Variants in SPIRE1 observed in about 807,000 individuals in gnomAD.
SPIRE1 encodes the protein protein spire homolog 1.
In SPIRE1, 40 loss-of-function variants were observed where a neutral mutation model predicts 94.1. The observed-to-expected ratio is 0.43, with a 90% CI of 0.33 to 0.55. The LOEUF (loss-of-function observed/expected upper bound fraction) is 0.55, where lower values mean the gene tolerates loss of function less well. Ranked by LOEUF, SPIRE1 falls within the 20% of genes least tolerant of loss-of-function variation. The pLI is 0.06. For synonymous variants in SPIRE1, 376 were observed against 371.7 expected (o/e 1.01, Z -0.13); for missense variants, 838 against 975.2 (o/e 0.86, Z 1.87).
At chr18:12,500,970 G>A (rs1182754956) in intron 6 of SPIRE1, among the ~76,000 whole-genome samples, 1 of 151,232 alleles carries the variant, frequency 6.6e-6, no homozygotes, top group Non-Finnish European at 1.5e-5. Flanking sequence ...TACTTGGGAG[G>A]TGGAGGCAGG....
intron 8 of SPIRE1, among the ~76,000 whole-genome samples, chr18:12,488,441 C>T (rs928227807): frequency 3.3e-5 from 5 of 152,124 alleles, no homozygotes; most frequent in African/African-American, 4.8e-5. Flanking sequence ...GAAGTACAGG[C>T]ATATCAGGCA....
chr18:12,462,188 A>T (rs2031892246), intron 12 of SPIRE1, among the ~76,000 whole-genome samples: 1 of 152,208 alleles, frequency 6.6e-6, no homozygotes, highest in Admixed American at 6.5e-5. Flanking sequence ...TTTGGCATAG[A>T]GATGAATGAC....
intron 4 of SPIRE1, among the ~76,000 whole-genome samples, chr18:12,526,932 T>A (rs909388392): frequency 1.3e-5 from 2 of 152,058 alleles, no homozygotes; most frequent in African/African-American, 4.8e-5. Context: ...ATGGTCTCAA[T>A]CTCTTGACAT....
chr18:12,581,250 T>TA (rs1299852849), intron 2 of SPIRE1, among the ~76,000 whole-genome samples: 1 of 152,190 alleles, frequency 6.6e-6, no homozygotes, highest in African/African-American at 2.4e-5. Flanking sequence ...AATCCTGTGT[T>TA]AGTCATTTCC....
chr18:12,609,733 C>T (rs2037085775), intron 2 of SPIRE1, among the ~76,000 whole-genome samples: 1 of 152,122 alleles, frequency 6.6e-6, no homozygotes, highest in Non-Finnish European at 1.5e-5. Flanking sequence ...ATCTTGTGTC[C>T]TCACTGACAT....
rs1213814474 is a variant in SPIRE1, at chr18:12,493,195, C to T, written c.1066G>A (p.Ala356Thr). The change falls in exon 8 of 17, where the codon GCC (alanine) becomes ACC (threonine). Residue 356 changes from alanine to threonine, a missense_variant. By Grantham distance (58) the Ala-to-Thr change is moderately conservative. Transcript: ENST00000409402. Reference protein sequence around the residue: ...RSRPPLNPVSARKLKPTPPRP... With the variant: ...RSRPPLNPVSTRKLKPTPPRP... Reference sequence around the variant, plus strand: ...GGTGGAGTTGGTTTCAGTTTTCTGGCTGAGACCTTGAAAGTAAGAAAAATG... The same window carrying T: ...GGTGGAGTTGGTTTCAGTTTTCTGGTTGAGACCTTGAAAGTAAGAAAAATG... The T allele has an allele frequency of 6.2e-7, 1 of 1,609,436 alleles. No homozygotes were observed. The highest frequency in any genetic ancestry group is 1.1e-5 in the South Asian group (1 of 90,112).
intron 8 of SPIRE1, among the ~76,000 whole-genome samples, chr18:12,491,612 A>C (rs2033237187): frequency 6.6e-6 from 1 of 152,048 alleles, no homozygotes; most frequent in Non-Finnish European, 1.5e-5. Context: ...TCCACTCTGA[A>C]GCTTTGTCAC....
chr18:12,659,464 C>G (rs1029328085), upstream of SPIRE1, among the ~76,000 whole-genome samples: 3 of 152,108 alleles, frequency 2.0e-5, no homozygotes, highest in Admixed American at 1.3e-4. Context: ...GTCAGGAGTT[C>G]GAGACCAGCC....
At chr18:12,649,979 C>T (rs2038330386) in intron 1 of SPIRE1, among the ~76,000 whole-genome samples, 1 of 152,190 alleles carries the variant, frequency 6.6e-6, no homozygotes, top group Non-Finnish European at 1.5e-5. Context: ...GTGGCTCACG[C>T]CTGTAATCCC....
rs564245007 is a variant in SPIRE1, at chr18:12,609,776, C to T, written c.372+25286G>A. 3.3e-5 allele frequency among the ~76,000 whole-genome samples: 5 copies of T among 152,260 alleles called. No homozygotes were observed. The South Asian group carries it at 1.0e-3, about 32-fold the overall frequency. ...TACAGAAGCCAGAGGCTCCCACTGC[C>T]CATCTCCCAGAAGGCTATGCCTCTT... On this transcript the variant is annotated intron_variant, in intron 2 of 16. Coordinates refer to ENST00000409402, the MANE Select transcript of SPIRE1 (RefSeq NM_001128626.2).
At chr18:12,558,127 G>T (rs2035572285) in intron 2 of SPIRE1, among the ~76,000 whole-genome samples, 1 of 152,200 alleles carries the variant, frequency 6.6e-6, no homozygotes, top group Non-Finnish European at 1.5e-5. Context: ...TGAAGCCGCG[G>T]ACCCTTGCAG....
At chr18:12,550,189 A>G (rs1027457007) in intron 2 of SPIRE1, among the ~76,000 whole-genome samples, 8 of 151,938 alleles carry the variant, frequency 5.3e-5, no homozygotes, top group Admixed American at 1.3e-4. Context: ...GTGCAATCCC[A>G]TTTCTGTGCT....
chr18:12,494,024 C>T (rs888180694), intron 7 of SPIRE1, among the ~76,000 whole-genome samples: 2 of 152,124 alleles, frequency 1.3e-5, no homozygotes, highest in Non-Finnish European at 2.9e-5. Context: ...TCTACCTCAG[C>T]CTCCTGAGTA....
intron 12 of SPIRE1, among the ~76,000 whole-genome samples, chr18:12,458,065 C>T (rs1433424019): frequency 2.0e-5 from 3 of 150,686 alleles, no homozygotes; most frequent in Admixed American, 6.6e-5. Flanking sequence ...AGGATGGTCT[C>T]GATCTCCTGA....
intron 16 of SPIRE1, among the ~76,000 whole-genome samples, chr18:12,451,633 C>T (rs981152122): frequency 1.3e-5 from 2 of 152,184 alleles, no homozygotes; most frequent in African/African-American, 4.8e-5. Context: ...CCTCGCTGTC[C>T]ACAGAGCCAG....
intron 8 of SPIRE1, among the ~76,000 whole-genome samples, chr18:12,489,438 G>A (rs1378736220): frequency 1.3e-5 from 2 of 151,904 alleles, no homozygotes; most frequent in African/African-American, 4.8e-5. Context: ...TTGAAATAAG[G>A]CTGACTACTG....
intron 10 of SPIRE1, among the ~76,000 whole-genome samples, chr18:12,478,942 T>C (rs1271894579): frequency 6.6e-6 from 1 of 151,980 alleles, no homozygotes; most frequent in Non-Finnish European, 1.5e-5. Flanking sequence ...CTGTTGGTAT[T>C]ACTATTACAA....
At chr18:12,623,387 T>G (rs1394611227) in intron 2 of SPIRE1, among the ~76,000 whole-genome samples, 1 of 152,044 alleles carries the variant, frequency 6.6e-6, no homozygotes, top group Non-Finnish European at 1.5e-5. Flanking sequence ...TCTCCTGACC[T>G]CGTGATCTGC....
chr18:12,603,335 G>T (rs1167350479), intron 2 of SPIRE1, among the ~76,000 whole-genome samples: 1 of 152,126 alleles, frequency 6.6e-6, no homozygotes, highest in African/African-American at 2.4e-5. Flanking sequence ...GTGATATTTT[G>T]AAATACATAT....
Sources: gnomAD v4.1 joint callset for allele counts (sites outside exome capture counted in the v4.1 genomes callset) on GRCh38, gnomAD v4.1.1 for gene constraint, MANE v1.5 for transcripts, NCBI Gene and HGNC (gene_info 2026-07-23, HGNC 2026-07-21) for gene names.